SUN3: variants seen among roughly 807,000 people sequenced by gnomAD.
SUN3 encodes the protein SUN domain-containing protein 3.
SUN3 carries 36 observed loss-of-function variants against 48.2 expected under a neutral mutation model. The ratio of observed to expected loss-of-function variants is 0.75; its 90% CI spans 0.57 to 0.99. The LOEUF (loss-of-function observed/expected upper bound fraction) is 0.99, where lower values mean the gene tolerates loss of function less well. Among genes scored for constraint, SUN3 ranks in the 50% least tolerant of loss-of-function variants. The pLI, the probability that SUN3 is intolerant of heterozygous loss-of-function variation, is 0.00. For missense variants in SUN3, 419 were observed against 433.1 expected (o/e 0.97, Z 0.29); for synonymous variants, 148 against 147.9 (o/e 1.00, Z 0.00).
intron 8 of SUN3, among the ~76,000 whole-genome samples, chr7:47,991,265 A>G (rs954197479): frequency 1.5e-4 from 22 of 146,700 alleles, no homozygotes; most frequent in African/African-American, 5.6e-4. Flanking sequence ...TCTTTAATGT[A>G]GAAGAAAATG....
the SUN3 span, chr7:48,035,463 C>G: frequency 2.9e-6 from 2 of 694,426 alleles, no homozygotes; most frequent in South Asian, 3.0e-5. The surrounding 1 kb of genome is among the most constrained non-coding windows in gnomAD (Gnocchi z 4.0). Context: ...TGACAGTGCT[C>G]CAGCCGCGCC....
At chr7:48,021,285 A>C (rs931044999) in intron 2 of SUN3, among the ~76,000 whole-genome samples, 1 of 152,156 alleles carries the variant, frequency 6.6e-6, no homozygotes, top group South Asian at 2.1e-4. Context: ...GCTTAAATCT[A>C]AGACTTTAGA....
At chr7:48,034,846 A>G in the SUN3 span, among the ~76,000 whole-genome samples, 2 of 152,232 alleles carry the variant, frequency 1.3e-5, no homozygotes, top group Non-Finnish European at 2.9e-5. Context: ...AGAGCTTTAA[A>G]AAAAGTCTCT....
intron 4 of SUN3, among the ~76,000 whole-genome samples, chr7:48,008,124 A>G (rs907851026): frequency 6.6e-6 from 1 of 152,198 alleles, no homozygotes; most frequent in African/African-American, 2.4e-5. Flanking sequence ...ACGCCCGGCC[A>G]AGAATGGGTT....
intron 6 of SUN3, among the ~76,000 whole-genome samples, chr7:47,999,783 C>A (rs1789310198): frequency 6.6e-6 from 1 of 152,238 alleles, no homozygotes; most frequent in African/African-American, 2.4e-5. Context: ...GATCCGCCTG[C>A]CTTGGCCTCC....
intron 6 of SUN3, among the ~76,000 whole-genome samples, chr7:48,002,128 T>C (rs1437715562): frequency 1.7e-5 from 2 of 119,008 alleles, no homozygotes; most frequent in East Asian, 2.5e-4. Context: ...TGGTATCTCA[T>C]TGTGGTTTTG....
intron 6 of SUN3, among the ~76,000 whole-genome samples, chr7:48,001,993 T>C (rs1275200980): frequency 2.0e-5 from 3 of 152,188 alleles, no homozygotes; most frequent in Non-Finnish European, 4.4e-5. Flanking sequence ...ATCACTGTCT[T>C]TCACAGTGGT....
intron 3 of SUN3, among the ~76,000 whole-genome samples, chr7:48,015,483 C>CACA (rs1789787071): frequency 1.3e-5 from 2 of 152,130 alleles, no homozygotes; most frequent in Admixed American, 6.5e-5. Flanking sequence ...TCTTTTGGGA[C>CACA]TTCACATGGC....
At position 47,994,303 on chromosome 7, in the gene SUN3, A is replaced by T; in HGVS notation, c.861+12T>A. On this transcript the variant is annotated intron_variant, in intron 8 of 9. Coordinates refer to ENST00000297325, the MANE Select transcript of SUN3 (RefSeq NM_001030019.2). ...AGGCCAATCTGAATGACAAATTTAGATAGCTTCTTACATAGACAGAAAATT... is the reference window on the plus strand; with the variant it reads ...AGGCCAATCTGAATGACAAATTTAGTTAGCTTCTTACATAGACAGAAAATT... 1 of 1,612,442 alleles carries T rather than the reference A, an allele frequency of 6.2e-7. No homozygotes were observed. Among genetic ancestry groups the T allele is most frequent in the Non-Finnish European group, 8.5e-7 (1 of 1,179,592 alleles).
intron 6 of SUN3, among the ~76,000 whole-genome samples, chr7:47,999,111 G>A (rs1446612377): frequency 1.3e-5 from 2 of 152,072 alleles, no homozygotes; most frequent in Non-Finnish European, 2.9e-5. Flanking sequence ...ATGGTATTGA[G>A]TCTTCTAATC....
chr7:48,002,421 G>A (rs1184439377), intron 6 of SUN3, among the ~76,000 whole-genome samples: 7 of 127,010 alleles, frequency 5.5e-5, no homozygotes, highest in Non-Finnish European at 8.8e-5. Context: ...GCCTCCCAAA[G>A]TGCTGGGATT....
At position 47,994,297 on chromosome 7, in the gene SUN3, ATT is replaced by A. The variant is rs1354277917; in HGVS notation, c.861+16_861+17del. 2 of 1,612,240 alleles carry A rather than the reference ATT, an allele frequency of 1.2e-6. No individual in the cohort carries two copies. Among genetic ancestry groups the A allele is most frequent in the African/African-American group, 2.7e-5 (2 of 74,824 alleles). On this transcript the variant is annotated intron_variant, in intron 8 of 9. Coordinates refer to ENST00000297325, the MANE Select transcript of SUN3 (RefSeq NM_001030019.2). ...TCTATCAGGCCAATCTGAATGACAA[ATT>A]TAGATAGCTTCTTACATAGACAGAA...
intron 3 of SUN3, among the ~76,000 whole-genome samples, chr7:48,013,358 CTCT>C (rs1459322371): frequency 6.6e-6 from 1 of 152,170 alleles, no homozygotes; most frequent in African/African-American, 2.4e-5. Flanking sequence ...TTCTTAGGAT[CTCT>C]TCTGATGCAT....
At chr7:48,012,282 C>T (rs1409884664) in intron 3 of SUN3, among the ~76,000 whole-genome samples, 1 of 152,154 alleles carries the variant, frequency 6.6e-6, no homozygotes, top group Admixed American at 6.5e-5. Context: ...TAGGGTTTGT[C>T]TGCATGTGCT....
intron 3 of SUN3, among the ~76,000 whole-genome samples, chr7:48,012,054 T>C (rs11981984): frequency 0.026 from 3,975 of 152,322 alleles, 169 homozygotes; most frequent in African/African-American, 0.09. Context: ...TGATTATCTT[T>C]CTGAAACATT....
chr7:47,999,097 C>T (rs1789289661), intron 6 of SUN3, among the ~76,000 whole-genome samples: 1 of 152,170 alleles, frequency 6.6e-6, no homozygotes, highest in South Asian at 2.1e-4. Context: ...GTATTGTCAT[C>T]TTAATGGTAT....
chr7:48,032,921 A>C (rs1180978155), upstream of SUN3, among the ~76,000 whole-genome samples: 1 of 152,252 alleles, frequency 6.6e-6, no homozygotes, highest in Non-Finnish European at 1.5e-5. Context: ...ACCAGGCAGG[A>C]AGGAAGGGCC....
At chr7:48,019,872 C>A (rs1412005142) in intron 2 of SUN3, among the ~76,000 whole-genome samples, 1 of 149,136 alleles carries the variant, frequency 6.7e-6, no homozygotes, top group East Asian at 2.0e-4. Flanking sequence ...GAGCTAATAC[C>A]AACCTTATGC....
At chr7:48,032,380 C>T (rs1210643461), upstream of SUN3, among the ~76,000 whole-genome samples, 1 of 152,120 alleles carries the variant, frequency 6.6e-6, no homozygotes, top group Non-Finnish European at 1.5e-5. Flanking sequence ...ACATGTACAA[C>T]TGAAACATAG....
Sources: gnomAD v4.1 joint callset for allele counts (sites outside exome capture counted in the v4.1 genomes callset) on GRCh38, gnomAD v4.1.1 for gene constraint, Gnocchi (gnomAD v3.1) non-coding constraint, MANE v1.5 for transcripts, NCBI Gene and HGNC (gene_info 2026-07-23, HGNC 2026-07-21) for gene names.